The following IGSF21 variants were observed in gnomAD, a reference collection of about 807,000 sequenced individuals.
IGSF21 encodes immunoglobulin superfamily member 21.
Under a neutral mutation model 46.8 loss-of-function variants are expected in IGSF21, and 28 were observed. The ratio of observed to expected loss-of-function variants is 0.60; its 90% CI spans 0.44 to 0.82. IGSF21 has a LOEUF of 0.82. Among genes scored for constraint, IGSF21 ranks in the 40% least tolerant of loss-of-function variants. The pLI, the probability that IGSF21 is intolerant of heterozygous loss-of-function variation, is 0.00. For synonymous variants in IGSF21, 284 were observed against 273.6 expected (o/e 1.04, Z -0.38); for missense variants, 624 against 665.5 (o/e 0.94, Z 0.69).
intron 1 of IGSF21, among the ~76,000 whole-genome samples, chr1:18,148,704 G>T (rs897589696): frequency 6.6e-6 from 1 of 152,350 alleles, no homozygotes; most frequent in South Asian, 2.1e-4. Context: ...TGTTTGTGGA[G>T]TGAGAGGATG....
chr1:18,352,473 C>T (rs2085967817), intron 4 of IGSF21, among the ~76,000 whole-genome samples: 2 of 152,246 alleles, frequency 1.3e-5, no homozygotes, highest in South Asian at 4.1e-4. Context: ...AATAAGCTCC[C>T]GGGTGATTCG....
intron 6 of IGSF21, among the ~76,000 whole-genome samples, chr1:18,374,324 A>G (rs2086257765): frequency 6.6e-6 from 1 of 152,194 alleles, no homozygotes; most frequent in African/African-American, 2.4e-5. Flanking sequence ...ATGGCACTTC[A>G]TGTAGGTCCT....
At chr1:18,139,790 GC>G (rs1471748634) in intron 1 of IGSF21, among the ~76,000 whole-genome samples, 2 of 152,094 alleles carry the variant, frequency 1.3e-5, no homozygotes, top group African/African-American at 4.8e-5. Context: ...GCCAAAGTCT[GC>G]TTACTGTGAA....
intron 4 of IGSF21, among the ~76,000 whole-genome samples, chr1:18,358,521 G>A (rs778842892): frequency 3.9e-5 from 6 of 152,172 alleles, no homozygotes; most frequent in African/African-American, 7.2e-5. Flanking sequence ...GCTGCTCTAC[G>A]GGACAGCCCG....
intron 1 of IGSF21, among the ~76,000 whole-genome samples, chr1:18,217,065 C>A (rs1411149091): frequency 6.6e-6 from 1 of 152,106 alleles, no homozygotes; most frequent in Non-Finnish European, 1.5e-5. Context: ...GTGGCCCTGA[C>A]TGTCATGGTC....
At chr1:18,152,678 A>G (rs12129418) in intron 1 of IGSF21, among the ~76,000 whole-genome samples, 12,423 of 152,126 alleles carry the variant, frequency 0.082, 665 homozygotes, top group Middle Eastern at 0.18. Flanking sequence ...CTCCATCACT[A>G]TGGAGCTTGG....
chr1:18,163,690 C>T (rs1403893592), intron 1 of IGSF21, among the ~76,000 whole-genome samples: 3 of 152,190 alleles, frequency 2.0e-5, no homozygotes, highest in Non-Finnish European at 4.4e-5. Context: ...ATTGGTGCAG[C>T]CAGCATTGGT....
chr1:18,218,642 A>G (rs1481934562), intron 1 of IGSF21, among the ~76,000 whole-genome samples: 1 of 152,250 alleles, frequency 6.6e-6, no homozygotes, highest in African/African-American at 2.4e-5. Flanking sequence ...CTACAGTCTT[A>G]CTGGGTAATA....
chr1:18,245,835 G>A (rs2084778312), intron 2 of IGSF21, among the ~76,000 whole-genome samples: 1 of 152,156 alleles, frequency 6.6e-6, no homozygotes, highest in Non-Finnish European at 1.5e-5. Flanking sequence ...AATCCCAGGA[G>A]GTCCCAAACC....
At position 18,290,420 on chromosome 1, in the gene IGSF21, T is replaced by C. The variant is rs1279460274; in HGVS notation, c.184-1446T>C. 2.0e-5 allele frequency among the ~76,000 whole-genome samples: 3 copies of C among 152,162 alleles called. No homozygotes were observed. The highest frequency in any genetic ancestry group is 4.4e-5 in the Non-Finnish European group (3 of 68,024). On this transcript the variant is annotated intron_variant, in intron 2 of 9. Transcript: ENST00000251296. This position sits in a 1 kb window ranked among gnomAD's most constrained non-coding sequence, Gnocchi z 4.2. ...GAAGCCGTGCCCTGGGAAGTCTCAC[T>C]GCCGCTTCCTCTCAGGGTCCCAGAG... is the stretch of plus-strand genomic sequence containing the variant.
intron 3 of IGSF21, among the ~76,000 whole-genome samples, chr1:18,327,267 G>C (rs1557645328): frequency 2.0e-5 from 3 of 152,206 alleles, no homozygotes; most frequent in Non-Finnish European, 1.5e-5. Flanking sequence ...TCTAGAAGAA[G>C]GCACTGAGCA....
chr1:18,154,945 A>T (rs576297192), intron 1 of IGSF21, among the ~76,000 whole-genome samples: 1 of 151,976 alleles, frequency 6.6e-6, no homozygotes, highest in Non-Finnish European at 1.5e-5. Flanking sequence ...GGGAGGGCAG[A>T]CTGTGAAGTG....
rs898097752 is a variant in IGSF21, at chr1:18,349,643, A to G, written c.425-12472A>G. Among the ~76,000 whole-genome samples the G allele has an allele frequency of 4.6e-5, 7 of 152,314 alleles. No homozygotes were observed. The South Asian group carries it at 1.5e-3, about 32-fold the overall frequency. On this transcript the variant is annotated intron_variant, in intron 4 of 9. Transcript: ENST00000251296. Reference sequence around the variant, plus strand: ...CCATCACAACAGCACTCACCACAGCAGCACTCACCACAGCTGACATTTATT... The same window carrying G: ...CCATCACAACAGCACTCACCACAGCGGCACTCACCACAGCTGACATTTATT...
chr1:18,247,110 G>A (rs2084792725), intron 2 of IGSF21, among the ~76,000 whole-genome samples: 1 of 150,118 alleles, frequency 6.7e-6, no homozygotes, highest in Non-Finnish European at 1.5e-5. Context: ...GAGTGCAGTG[G>A]CACGATCTCT....
chr1:18,199,477 G>A (rs750053378), intron 1 of IGSF21, among the ~76,000 whole-genome samples: 2 of 152,096 alleles, frequency 1.3e-5, no homozygotes, highest in African/African-American at 4.8e-5. Flanking sequence ...CTCGGATCCT[G>A]GGCACCGGCT....
At chr1:18,252,310 A>G (rs1284821023) in intron 2 of IGSF21, among the ~76,000 whole-genome samples, 2 of 151,954 alleles carry the variant, frequency 1.3e-5, no homozygotes, top group African/African-American at 2.4e-5. Flanking sequence ...CGGCCTCCCA[A>G]AGTGCTGGGA....
At chr1:18,289,554 C>G (rs2085247091) in intron 2 of IGSF21, among the ~76,000 whole-genome samples, 1 of 152,210 alleles carries the variant, frequency 6.6e-6, no homozygotes, top group Non-Finnish European at 1.5e-5. Context: ...ACATTCTTGT[C>G]TATTCGGCTC....
intron 1 of IGSF21, among the ~76,000 whole-genome samples, chr1:18,225,538 G>A (rs1422465881): frequency 6.6e-6 from 1 of 152,228 alleles, no homozygotes; most frequent in Non-Finnish European, 1.5e-5. Flanking sequence ...TTATGCATCT[G>A]AGAATATGTC....
chr1:18,325,123 G>A (rs1034051404), intron 3 of IGSF21, among the ~76,000 whole-genome samples: 1 of 152,220 alleles, frequency 6.6e-6, no homozygotes, highest in African/African-American at 2.4e-5. Context: ...CGGAGGACAG[G>A]AAGCAGGTAC....
Sources: gnomAD v4.1 joint callset for allele counts (sites outside exome capture counted in the v4.1 genomes callset) on GRCh38, gnomAD v4.1.1 for gene constraint, Gnocchi (gnomAD v3.1) non-coding constraint, MANE v1.5 for transcripts, NCBI Gene and HGNC (gene_info 2026-07-23, HGNC 2026-07-21) for gene names.